The following NPAS3 variants were observed in gnomAD, a reference collection of about 807,000 sequenced individuals.
NPAS3 encodes the protein neuronal PAS domain-containing protein 3.
Under a neutral mutation model 73.1 loss-of-function variants are expected in NPAS3, and 14 were observed. The ratio of observed to expected loss-of-function variants is 0.19; its 90% CI spans 0.13 to 0.30. The LOEUF (loss-of-function observed/expected upper bound fraction) is 0.30, where lower values mean the gene tolerates loss of function less well. Among genes scored for constraint, NPAS3 ranks in the 10% least tolerant of loss-of-function variants. The probability of loss-of-function intolerance (pLI) is 1.00; values close to 1 mark genes in which losing one functional copy is unlikely to be tolerated. For missense variants in NPAS3, 1,096 were observed against 1,250.0 expected (o/e 0.88, Z 1.86); for synonymous variants, 620 against 541.5 (o/e 1.14, Z -2.01).
At chr14:33,725,977 C>A (rs1352676477) in intron 6 of NPAS3, among the ~76,000 whole-genome samples, 1 of 152,244 alleles carries the variant, frequency 6.6e-6, no homozygotes, top group Middle Eastern at 3.4e-3. Flanking sequence ...CCACCTCCCA[C>A]TTTCTCTTAT....
At chr14:33,102,824 A>G (rs4982050) in intron 2 of NPAS3, among the ~76,000 whole-genome samples, 6,203 of 152,252 alleles carry the variant, frequency 0.041, 157 homozygotes, top group Non-Finnish European at 0.063. Context: ...AAACAGAGAA[A>G]ATTACCTTAA....
intron 3 of NPAS3, among the ~76,000 whole-genome samples, chr14:33,308,192 A>G (rs1329120306): frequency 1.3e-5 from 2 of 152,090 alleles, no homozygotes; most frequent in Non-Finnish European, 1.5e-5. Context: ...TGCTTACAGG[A>G]AAGGTCAGGG....
At chr14:33,241,248 A>G (rs766967172) in intron 3 of NPAS3, among the ~76,000 whole-genome samples, 1 of 151,942 alleles carries the variant, frequency 6.6e-6, no homozygotes, top group Non-Finnish European at 1.5e-5. Context: ...CATTTTTTGC[A>G]TTCTAGACAG....
At chr14:33,714,043 C>A (rs751913229) in intron 6 of NPAS3, among the ~76,000 whole-genome samples, 11 of 152,016 alleles carry the variant, frequency 7.2e-5, no homozygotes, top group African/African-American at 2.7e-4. Flanking sequence ...ATCAGATGCC[C>A]CCTTCTCAGT....
intron 2 of NPAS3, among the ~76,000 whole-genome samples, chr14:33,131,849 G>A (rs2043647561): frequency 6.6e-6 from 1 of 152,154 alleles, no homozygotes; most frequent in Non-Finnish European, 1.5e-5. Flanking sequence ...AACTGGGAAC[G>A]TAATCTTTGA....
chr14:33,658,545 A>T (rs1347164100), intron 5 of NPAS3, among the ~76,000 whole-genome samples: 1 of 152,176 alleles, frequency 6.6e-6, no homozygotes, highest in Admixed American at 6.5e-5. Flanking sequence ...AATGACCAAA[A>T]CCAAATAAAA....
intron 1 of NPAS3, among the ~76,000 whole-genome samples, chr14:32,990,951 A>C (rs1204683900): frequency 6.7e-6 from 1 of 149,448 alleles, no homozygotes; most frequent in African/African-American, 2.5e-5. Flanking sequence ...AAAAAAAAAC[A>C]AGCCACTGAT....
At chr14:33,123,744 G>C (rs974313643) in intron 2 of NPAS3, among the ~76,000 whole-genome samples, 1 of 151,944 alleles carries the variant, frequency 6.6e-6, no homozygotes, top group African/African-American at 2.4e-5. Flanking sequence ...GAGATTAACA[G>C]GTAAGTATAT....
chr14:33,683,572 T>G (rs566079935), intron 6 of NPAS3, among the ~76,000 whole-genome samples: 1 of 152,184 alleles, frequency 6.6e-6, no homozygotes, highest in African/African-American at 2.4e-5. Context: ...GTTTCCTCCC[T>G]GTCCAAATTA....
intron 2 of NPAS3, among the ~76,000 whole-genome samples, chr14:33,062,754 G>A (rs2041154380): frequency 6.6e-6 from 1 of 152,192 alleles, no homozygotes; most frequent in South Asian, 2.1e-4. Context: ...TTCAAAAATC[G>A]CTAACAGGTG....
chr14:33,771,780 C>T (rs144542654), intron 7 of NPAS3, among the ~76,000 whole-genome samples: 87 of 151,998 alleles, frequency 5.7e-4, no homozygotes, highest in Admixed American at 1.6e-3. Flanking sequence ...CACTAAACTC[C>T]AGCCTGGGCG....
chr14:33,579,099 A>G (rs947778837), intron 5 of NPAS3, among the ~76,000 whole-genome samples: 1 of 152,186 alleles, frequency 6.6e-6, no homozygotes, highest in Non-Finnish European at 1.5e-5. Flanking sequence ...CAACAATCCT[A>G]ATGAGGTAGA....
chr14:33,441,238 CTTA>C (rs958852737), intron 4 of NPAS3, among the ~76,000 whole-genome samples: 77 of 152,318 alleles, frequency 5.1e-4, no homozygotes, highest in East Asian at 7.7e-4. Context: ...ATTCTATAAA[CTTA>C]TTATGCATAT....
At chr14:32,940,658 G>A (rs1041931892) in intron 1 of NPAS3, among the ~76,000 whole-genome samples, 1 of 152,208 alleles carries the variant, frequency 6.6e-6, no homozygotes, top group African/African-American at 2.4e-5. Context: ...GACAAAGGAT[G>A]TGCTTAGTTG....
chr14:33,778,542 G>T, exon 9 of NPAS3: 1 of 1,613,742 alleles, frequency 6.2e-7, no homozygotes, highest in Non-Finnish European at 8.5e-7. Flanking sequence ...TGCTGAAGAC[G>T]TGGAGGGCAT....
chr14:33,335,216 T>C (rs1363835878), intron 3 of NPAS3, among the ~76,000 whole-genome samples: 1 of 152,160 alleles, frequency 6.6e-6, no homozygotes, highest in Non-Finnish European at 1.5e-5. Context: ...GGTAGATACC[T>C]AGAAGTGGGA....
At chr14:33,531,336 T>G (rs1256949962) in intron 4 of NPAS3, among the ~76,000 whole-genome samples, 4 of 152,086 alleles carry the variant, frequency 2.6e-5, no homozygotes, top group Non-Finnish European at 5.9e-5. Flanking sequence ...TCCAAAGACC[T>G]CCTTTGTGCC....
At chr14:33,223,706 T>A (rs1407689078) in intron 3 of NPAS3, among the ~76,000 whole-genome samples, 1 of 152,176 alleles carries the variant, frequency 6.6e-6, no homozygotes, top group East Asian at 1.9e-4. Flanking sequence ...AGCCGTTTAT[T>A]AATAATTTCA....
intron 4 of NPAS3, among the ~76,000 whole-genome samples, chr14:33,381,152 A>C (rs1376133118): frequency 2.0e-5 from 3 of 152,224 alleles, no homozygotes; most frequent in Non-Finnish European, 4.4e-5. Flanking sequence ...GTCACATAGG[A>C]GATAAAACTC....
Sources: gnomAD v4.1 joint callset for allele counts (sites outside exome capture counted in the v4.1 genomes callset) on GRCh38, gnomAD v4.1.1 for gene constraint, MANE v1.5 for transcripts, NCBI Gene and HGNC (gene_info 2026-07-23, HGNC 2026-07-21) for gene names.